Variants in PLA2G4A observed in about 807,000 individuals in gnomAD.
PLA2G4A encodes phospholipase A2 group IVA.
In PLA2G4A, 40 loss-of-function variants were observed where a neutral mutation model predicts 81.9. The observed-to-expected ratio is 0.49, with a 90% CI of 0.38 to 0.64. PLA2G4A has a LOEUF of 0.64. PLA2G4A is among the 30% of genes least tolerant of loss of function. The pLI is 0.00. For synonymous variants in PLA2G4A, 302 were observed against 296.9 expected (o/e 1.02, Z -0.18); for missense variants, 715 against 905.1 (o/e 0.79, Z 2.69).
At chr1:186,953,247 G>A (rs972954867) in intron 13 of PLA2G4A, among the ~76,000 whole-genome samples, 2 of 152,118 alleles carry the variant, frequency 1.3e-5, no homozygotes, top group East Asian at 3.8e-4. Flanking sequence ...CTGTGCTTTG[G>A]ATATTGGTCA....
In PLA2G4A at chr1:186,830,934, A is replaced by ATAGCTAGC. The variant is rs1281024582; in HGVS notation, c.-70+1904_-70+1905insAGCTAGCT. On this transcript the variant is annotated intron_variant, in intron 1 of 17. Coordinates refer to ENST00000367466, the MANE Select transcript of PLA2G4A (RefSeq NM_024420.3). Reference sequence around the variant, plus strand: ...TTTCCTCCTTCTTGCTCCAGATTGTATAGCTTGCTTGCTTGCTTGCTTGCT... The same window carrying ATAGCTAGC: ...TTTCCTCCTTCTTGCTCCAGATTGTATAGCTAGCTAGCTTGCTTGCTTGCTTGCTTGCT... Among the ~76,000 whole-genome samples the ATAGCTAGC allele has an allele frequency of 2.7e-3, 271 of 98,762 alleles. 3 individuals carry two copies. The highest frequency in any genetic ancestry group is 0.01 in the African/African-American group (263 of 25,536). The allele number at this position is 98,762 out of a possible 152,430, so 64.8% of individuals were successfully genotyped here. A position where few individuals can be genotyped will look rare whatever the true frequency, so the allele number is the denominator to read the frequency against.
rs989317394 is a variant in PLA2G4A, at chr1:186,856,401, T to A, written c.33+2014T>A. Among the ~76,000 whole-genome samples, 16 of 151,404 alleles carry A rather than the reference T, an allele frequency of 1.1e-4. 1 individual carries two copies. The highest frequency in any genetic ancestry group is 3.9e-4 in the African/African-American group (16 of 41,416). ...TTTCCAATTAGTTGTTGCTTTTTTTTTTTTTTGAGATGGAGTCTCACTCTG... is the reference window on the plus strand; with the variant it reads ...TTTCCAATTAGTTGTTGCTTTTTTTATTTTTTGAGATGGAGTCTCACTCTG... On this transcript the variant is annotated intron_variant, in intron 2 of 17. Coordinates refer to ENST00000367466, the MANE Select transcript of PLA2G4A (RefSeq NM_024420.3).
intron 17 of PLA2G4A, among the ~76,000 whole-genome samples, chr1:186,987,022 T>TA (rs1557905908): frequency 6.6e-6 from 1 of 152,230 alleles, no homozygotes; most frequent in East Asian, 1.9e-4. Flanking sequence ...ATAAGGCATA[T>TA]AAAAGAACCA....
intron 6 of PLA2G4A, 114 bp from the exon 7 acceptor site, chr1:186,911,134 G>A (rs556069172): frequency 4.8e-6 from 4 of 836,526 alleles, no homozygotes; most frequent in Non-Finnish European, 6.3e-6. Context: ...AATGGCTTGA[G>A]GGAAGCAGTC....
chr1:186,850,255 G>C (rs913208408), intron 1 of PLA2G4A, among the ~76,000 whole-genome samples: 2 of 152,054 alleles, frequency 1.3e-5, no homozygotes, highest in Admixed American at 6.6e-5. Context: ...ATATGCAAAG[G>C]TTTCTTCGTT....
intron 14 of PLA2G4A, among the ~76,000 whole-genome samples, chr1:186,959,351 A>AAACTATCAG (rs4007494): frequency 1.7e-3 from 1 of 592 alleles, no homozygotes; most frequent in Non-Finnish European, 2.9e-3. Context: ...AAGGAAATAT[A>AAACTATCAG]TCATCCCCAA....
At chr1:186,972,764 AT>A (rs1325049703) in intron 15 of PLA2G4A, among the ~76,000 whole-genome samples, 1 of 152,232 alleles carries the variant, frequency 6.6e-6, no homozygotes, top group South Asian at 2.1e-4. Flanking sequence ...AGAAAGGAAA[AT>A]CTGAAATGAG....
intron 10 of PLA2G4A, 84 bp downstream of exon 10, chr1:186,940,178 C>T (rs1656098244): frequency 1.3e-6 from 1 of 789,708 alleles, no homozygotes; most frequent in Admixed American, 1.7e-5. Context: ...AGGTCATAAG[C>T]AATTTCAGTT....
At chr1:186,987,121 TG>T (rs1337116254) in intron 17 of PLA2G4A, among the ~76,000 whole-genome samples, 4 of 152,262 alleles carry the variant, frequency 2.6e-5, no homozygotes, top group African/African-American at 7.2e-5. Context: ...GTTGGGTGTC[TG>T]GGACATAAAG....
At position 186,965,470 on chromosome 1, in the gene PLA2G4A, A is replaced by G. The variant is rs1657097078; in HGVS notation, c.1641A>G (p.Val547=). Residue 547 remains valine (V), a synonymous_variant, in exon 15 of 18, where the codon GTA becomes GTG. Transcript: ENST00000367466. ...PLDVKSKKIH[V]VDSGLTFNLP... ...ATGTCAAAAGTAAAAAGATTCATGT[A>G]GTGGACAGTGGGCTCACATTTAACC... 1 of 1,610,976 alleles carries G rather than the reference A, an allele frequency of 6.2e-7. No individual in the cohort carries two copies. Among genetic ancestry groups the G allele is most frequent in the South Asian group, 1.1e-5 (1 of 91,024 alleles).
At chr1:186,966,108 G>A (rs541884387) in intron 15 of PLA2G4A, among the ~76,000 whole-genome samples, 30 of 130,100 alleles carry the variant, frequency 2.3e-4, no homozygotes, top group African/African-American at 9.4e-4. Context: ...TTTGAGGGAT[G>A]AGTGGAAGTT....
intron 1 of PLA2G4A, among the ~76,000 whole-genome samples, chr1:186,830,366 G>T (rs1429305573): frequency 6.6e-6 from 1 of 152,008 alleles, no homozygotes; most frequent in African/African-American, 2.4e-5. Context: ...CCAGCACTTT[G>T]GGAGGCCGAG....
chr1:186,930,004 C>A (rs1655684028), intron 7 of PLA2G4A, among the ~76,000 whole-genome samples: 3 of 152,084 alleles, frequency 2.0e-5, no homozygotes, highest in Admixed American at 2.0e-4. Context: ...CCATCCTGGG[C>A]AACATGGCAA....
chr1:186,983,695 A>G (rs1404149854), intron 17 of PLA2G4A, among the ~76,000 whole-genome samples: 1 of 113,200 alleles, frequency 8.8e-6, no homozygotes, highest in African/African-American at 3.4e-5. Flanking sequence ...TAGTATTTCA[A>G]TTTTTTTTCC....
chr1:186,949,391 A>AAG (rs1166365483), intron 12 of PLA2G4A, among the ~76,000 whole-genome samples: 6 of 24,082 alleles, frequency 2.5e-4, no homozygotes, highest in African/African-American at 3.4e-4. Context: ...AAGAAAGAAA[A>AAG]AAGAAAAAGA....
rs151314664 is a variant in PLA2G4A, at chr1:186,987,858, A to G, written c.2119-519A>G. ...ATTTTCACCAATGAAATCACAGAGC[A>G]TGATGTTTCCTAGATAGAGGAGGCT... On this transcript the variant is annotated intron_variant, in intron 17 of 17. Coordinates refer to ENST00000367466, the MANE Select transcript of PLA2G4A (RefSeq NM_024420.3). Among the ~76,000 whole-genome samples the G allele has an allele frequency of 6.8e-4, 103 of 152,336 alleles. 1 individual carries two copies. The highest frequency in any genetic ancestry group is 2.3e-3 in the African/African-American group (96 of 41,590).
intron 15 of PLA2G4A, among the ~76,000 whole-genome samples, chr1:186,968,352 A>C (rs1657206347): frequency 6.7e-6 from 1 of 150,064 alleles, no homozygotes; most frequent in South Asian, 2.1e-4. Flanking sequence ...TCCAGACAAC[A>C]GCTGTTAATA....
rs989329332 is a variant in PLA2G4A at position 186,846,221 on chromosome 1, G to C, written c.-69-8065G>C. Among the ~76,000 whole-genome samples, 45 of 152,128 alleles carry C rather than the reference G, an allele frequency of 3.0e-4. 1 individual carries two copies. Among genetic ancestry groups the C allele is most frequent in the African/African-American group, 1.1e-3 (44 of 41,434 alleles). On this transcript the variant is annotated intron_variant, in intron 1 of 17. Coordinates refer to ENST00000367466, the MANE Select transcript of PLA2G4A (RefSeq NM_024420.3). ...TCTGCTGCTACTATTAACAGTTACA[G>C]AGAGAAAAAAGAAAGGACGGCTGCC...
intron 6 of PLA2G4A, among the ~76,000 whole-genome samples, chr1:186,907,836 T>TA (rs1654794718): frequency 6.6e-6 from 1 of 152,240 alleles, no homozygotes; most frequent in South Asian, 2.1e-4. Flanking sequence ...CACAACCTGT[T>TA]AATATAAGTC....
Sources: gnomAD v4.1 joint callset for allele counts (sites outside exome capture counted in the v4.1 genomes callset) on GRCh38, gnomAD v4.1.1 for gene constraint, MANE v1.5 for transcripts, NCBI Gene and HGNC (gene_info 2026-07-23, HGNC 2026-07-21) for gene names.